The following CEP128 variants were observed in gnomAD, a reference collection of about 807,000 sequenced individuals.
The protein encoded by CEP128 is centrosomal protein 128.
In CEP128, 132 loss-of-function variants were observed where a neutral mutation model predicts 156.7. That is an observed-to-expected ratio of 0.84 (90% CI 0.73 to 0.97). CEP128 has a LOEUF of 0.97. Among genes scored for constraint, CEP128 ranks in the 50% least tolerant of loss-of-function variants. The pLI, the probability that CEP128 is intolerant of heterozygous loss-of-function variation, is 0.00. For missense variants in CEP128, 1,252 were observed against 1,281.9 expected, an observed-to-expected ratio of 0.98 and a Z score of 0.36; for synonymous variants, 469 against 448.9, an observed-to-expected ratio of 1.04 and a Z score of -0.57.
chr14:80,660,313 T>A (rs974444206), intron 19 of CEP128, among the ~76,000 whole-genome samples: 1 of 152,198 alleles, frequency 6.6e-6, no homozygotes, highest in African/African-American at 2.4e-5. Context: ...ATTACATGAA[T>A]TAACATGTCA....
intron 14 of CEP128, among the ~76,000 whole-genome samples, chr14:80,484,574 T>G (rs1287250444): frequency 4.6e-5 from 7 of 152,204 alleles, no homozygotes; most frequent in Non-Finnish European, 1.5e-5. Flanking sequence ...AGTATCAGAA[T>G]GAACAGGGAT....
At chr14:80,775,463 T>A (rs913181033) in intron 16 of CEP128, among the ~76,000 whole-genome samples, 4 of 152,216 alleles carry the variant, frequency 2.6e-5, no homozygotes, top group Non-Finnish European at 5.9e-5. Context: ...AAACTACATA[T>A]AATATAAGCA....
At chr14:80,635,884 G>C (rs1485724084) in intron 19 of CEP128, among the ~76,000 whole-genome samples, 1 of 152,210 alleles carries the variant, frequency 6.6e-6, no homozygotes, top group Non-Finnish European at 1.5e-5. Context: ...AGTTTATTCA[G>C]TGTCCTCAAG....
chr14:80,715,874 G>A (rs920959171), intron 19 of CEP128, among the ~76,000 whole-genome samples: 2 of 152,206 alleles, frequency 1.3e-5, no homozygotes, highest in Admixed American at 6.5e-5. Context: ...AAGTTAGCAT[G>A]TTATAGCGCT....
intron 21 of CEP128, among the ~76,000 whole-genome samples, chr14:80,558,638 G>T (rs1890542281): frequency 6.6e-6 from 1 of 151,792 alleles, no homozygotes; most frequent in African/African-American, 2.4e-5. Context: ...GGCCAGGCTG[G>T]TCTCGAACTC....
chr14:80,711,008 T>C (rs1897381547), intron 19 of CEP128, among the ~76,000 whole-genome samples: 1 of 152,178 alleles, frequency 6.6e-6, no homozygotes. Context: ...TGAACATCCA[T>C]CCTCTTAAGA....
At chr14:80,809,660 C>T (rs887795292) in intron 13 of CEP128, among the ~76,000 whole-genome samples, 3 of 152,058 alleles carry the variant, frequency 2.0e-5, no homozygotes, top group Admixed American at 2.0e-4. Flanking sequence ...ATCAGACTAA[C>T]GGTGAACTTC....
chr14:80,801,908 CCCAAAAAAAA>C (rs879186173), intron 13 of CEP128, among the ~76,000 whole-genome samples: 838 of 18,700 alleles, frequency 0.045, 59 homozygotes, highest in African/African-American at 0.14. Flanking sequence ...ACTCTGTCTC[CCCAAAAAAAA>C]AAAAAAAAAA....
intron 14 of CEP128, among the ~76,000 whole-genome samples, chr14:80,786,971 A>G (rs1355173773): frequency 1.3e-5 from 2 of 152,170 alleles, no homozygotes; most frequent in Non-Finnish European, 2.9e-5. Context: ...AACTGAGGAG[A>G]AGGAACTCTG....
At chr14:80,542,460 T>G (rs1267176177) in intron 21 of CEP128, among the ~76,000 whole-genome samples, 2 of 151,946 alleles carry the variant, frequency 1.3e-5, no homozygotes, top group Non-Finnish European at 1.5e-5. Flanking sequence ...AGACTCAAAA[T>G]TAAAGAAATA....
At chr14:80,523,241 G>C (rs1260198581) in intron 23 of CEP128, among the ~76,000 whole-genome samples, 1 of 152,204 alleles carries the variant, frequency 6.6e-6, no homozygotes, top group African/African-American at 2.4e-5. Flanking sequence ...AATATAGTCA[G>C]AATCTACAAC....
intron 19 of CEP128, among the ~76,000 whole-genome samples, chr14:80,636,323 A>G (rs1285607076): frequency 6.6e-6 from 1 of 152,196 alleles, no homozygotes; most frequent in African/African-American, 2.4e-5. Flanking sequence ...CGCTCACTCA[A>G]CATCATAGTT....
chr14:80,737,246 A>C (rs1898578824), intron 19 of CEP128, among the ~76,000 whole-genome samples: 1 of 151,982 alleles, frequency 6.6e-6, no homozygotes, highest in Non-Finnish European at 1.5e-5. Flanking sequence ...TCTTCTAATA[A>C]TACAAAAATT....
intron 19 of CEP128, among the ~76,000 whole-genome samples, chr14:80,639,080 C>T (rs1007310940): frequency 1.3e-5 from 2 of 151,968 alleles, no homozygotes; most frequent in African/African-American, 2.4e-5. Flanking sequence ...AACAAATCAA[C>T]GGTGGAGTGA....
At chr14:80,565,163 T>C (rs1890859193) in intron 20 of CEP128, among the ~76,000 whole-genome samples, 1 of 152,206 alleles carries the variant, frequency 6.6e-6, no homozygotes, top group Non-Finnish European at 1.5e-5. Context: ...AACATCATTA[T>C]TGCAAAACCT....
At position 80,726,248 on chromosome 14, in the gene CEP128, T is replaced by A. The variant is rs561697343; in HGVS notation, c.2806+16827A>T. Among the ~76,000 whole-genome samples the A allele has an allele frequency of 3.9e-5, 6 of 152,300 alleles. No homozygotes were observed. In the South Asian group the frequency reaches 1.0e-3, roughly 26 times the overall value. ...ACAACAAAAAGCACAAAGAAAATCT[T>A]TTCTTGATGACTGATCCCGTAACCT... is the stretch of plus-strand genomic sequence containing the variant. On this transcript the variant is annotated intron_variant, in intron 19 of 24. Coordinates refer to ENST00000555265, the MANE Select transcript of CEP128 (RefSeq NM_152446.5).
At chr14:80,580,056 T>C (rs1891521401) in intron 20 of CEP128, among the ~76,000 whole-genome samples, 1 of 152,228 alleles carries the variant, frequency 6.6e-6, no homozygotes, top group African/African-American at 2.4e-5. Context: ...CATGAATTCA[T>C]CTTCATTCAT....
intron 19 of CEP128, among the ~76,000 whole-genome samples, chr14:80,628,436 G>C (rs1283980962): frequency 6.6e-6 from 1 of 152,146 alleles, no homozygotes; most frequent in Non-Finnish European, 1.5e-5. Flanking sequence ...CTAAAGAAAT[G>C]AGTGTCTTTT....
chr14:80,546,610 C>T (rs901509318), intron 21 of CEP128, among the ~76,000 whole-genome samples: 7 of 152,142 alleles, frequency 4.6e-5, no homozygotes, highest in Non-Finnish European at 7.4e-5. Flanking sequence ...TTTAAGTCAG[C>T]GAGTCTATCT....
Sources: gnomAD v4.1 joint callset for allele counts (sites outside exome capture counted in the v4.1 genomes callset) on GRCh38, gnomAD v4.1.1 for gene constraint, MANE v1.5 for transcripts, NCBI Gene and HGNC (gene_info 2026-07-23, HGNC 2026-07-21) for gene names.